Variants in ULK4 observed in about 807,000 individuals in gnomAD.
ULK4 encodes unc-51 like kinase 4, also known as inactive serine/threonine-protein kinase ULK4.
In ULK4, 133 loss-of-function variants were observed where a neutral mutation model predicts 160.6. The observed-to-expected ratio is 0.83, with a 90% CI of 0.72 to 0.96. ULK4 has a LOEUF of 0.96. Ranked by LOEUF, ULK4 falls within the 40% of genes least tolerant of loss-of-function variation. The pLI is 0.00. For synonymous variants in ULK4, 534 were observed against 539.8 expected, an observed-to-expected ratio of 0.99 and a Z score of 0.15; for missense variants, 1,580 against 1,499.5, an observed-to-expected ratio of 1.05 and a Z score of -0.89.
chr3:41,466,993 A>T (rs889712528), intron 32 of ULK4, among the ~76,000 whole-genome samples: 1 of 152,218 alleles, frequency 6.6e-6, no homozygotes, highest in Non-Finnish European at 1.5e-5. Context: ...TTAAAATCAC[A>T]ATGGGATATC....
chr3:41,853,359 C>A (rs1378012667), intron 17 of ULK4, among the ~76,000 whole-genome samples: 3 of 152,098 alleles, frequency 2.0e-5, no homozygotes, highest in Non-Finnish European at 2.9e-5. Context: ...CTTCCATCCA[C>A]CCCCAGAGAT....
intron 35 of ULK4, among the ~76,000 whole-genome samples, chr3:41,394,140 A>T (rs1213090741): frequency 6.6e-6 from 1 of 152,154 alleles, no homozygotes; most frequent in South Asian, 2.1e-4. Flanking sequence ...CATTCTGAAG[A>T]TAACAACAAA....
In ULK4 at chr3:41,315,818, A is replaced by C. The variant is rs899764225; in HGVS notation, c.3679-66244T>G. On this transcript the variant is annotated intron_variant, in intron 35 of 36. Coordinates refer to ENST00000301831, the MANE Select transcript of ULK4 (RefSeq NM_017886.4). ...ATATCATTAGCCATCAGGACAATGC[A>C]CATCAAAACCACAATGAGATGCCAC... is the stretch of plus-strand genomic sequence containing the variant. Among the ~76,000 whole-genome samples, 21 of 152,336 alleles carry C rather than the reference A, an allele frequency of 1.4e-4. 1 individual carries two copies. Among genetic ancestry groups the C allele is most frequent in the Admixed American group, 1.4e-3 (21 of 15,310 alleles).
intron 25 of ULK4, among the ~76,000 whole-genome samples, chr3:41,713,011 T>C (rs989026689): frequency 6.6e-6 from 1 of 151,898 alleles, no homozygotes; most frequent in African/African-American, 2.4e-5. Context: ...CTCCGGACAA[T>C]TTCACATAAT....
chr3:41,468,530 G>A (rs183324598), intron 32 of ULK4, among the ~76,000 whole-genome samples: 70 of 152,198 alleles, frequency 4.6e-4, no homozygotes, highest in South Asian at 1.9e-3. Context: ...TTAGGTTTCC[G>A]CACGTTCCAC....
intron 1 of ULK4, among the ~76,000 whole-genome samples, chr3:41,956,340 G>T (rs1047287685): frequency 1.3e-5 from 2 of 152,162 alleles, no homozygotes; most frequent in Admixed American, 6.5e-5. Flanking sequence ...TATTTGGACC[G>T]GGTATCTGTA....
At chr3:41,672,048 C>T (rs1402020989) in intron 29 of ULK4, among the ~76,000 whole-genome samples, 1 of 151,944 alleles carries the variant, frequency 6.6e-6, no homozygotes, top group Non-Finnish European at 1.5e-5. Flanking sequence ...ATTAAAATGG[C>T]TATTATGAAA....
intron 30 of ULK4, among the ~76,000 whole-genome samples, chr3:41,642,036 T>C (rs1438375475): frequency 1.3e-5 from 2 of 151,986 alleles, no homozygotes; most frequent in Non-Finnish European, 2.9e-5. Context: ...CAACCACGTC[T>C]AGCTAATTTT....
At chr3:41,668,168 C>T (rs1304290855) in intron 29 of ULK4, among the ~76,000 whole-genome samples, 2 of 152,246 alleles carry the variant, frequency 1.3e-5, no homozygotes, top group Non-Finnish European at 1.5e-5. Flanking sequence ...AAATTTTCAT[C>T]TCAACAGAGT....
In ULK4 at chr3:41,870,339, T is replaced by C. The variant is rs1274482416; in HGVS notation, c.1656+13535A>G. On this transcript the variant is annotated intron_variant, in intron 17 of 36. Transcript: ENST00000301831. ...TTCTGAGAGTCAAATCATGTGACTG[T>C]TAGATAATTTTATGTAATATTATTC... Among the ~76,000 whole-genome samples, 2 of 152,354 alleles carry C rather than the reference T, an allele frequency of 1.3e-5. 1 individual carries two copies. The highest frequency in any genetic ancestry group is 4.1e-4 in the South Asian group (2 of 4,828).
rs1700203081 is a variant in ULK4, at chr3:41,949,120, A to C, written c.138+5502T>G. 3.3e-5 allele frequency among the ~76,000 whole-genome samples: 5 copies of C among 152,062 alleles called. No individual in the cohort carries two copies. The South Asian group carries it at 1.0e-3, about 32-fold the overall frequency. On this transcript the variant is annotated intron_variant, in intron 2 of 36. Coordinates refer to ENST00000301831, the MANE Select transcript of ULK4 (RefSeq NM_017886.4). ...TCAGGAGTTCGAGACCAGCCTGGCC[A>C]ACATGGTGAAACCCCGTCTCTACTA...
chr3:41,632,921 G>C (rs979232991), intron 30 of ULK4, among the ~76,000 whole-genome samples: 46 of 152,112 alleles, frequency 3.0e-4, no homozygotes, highest in African/African-American at 9.9e-4. Context: ...CAAAGGAGCA[G>C]GTTTCTGACA....
intron 32 of ULK4, among the ~76,000 whole-genome samples, chr3:41,532,924 A>AGATTCTCTCC (rs1337235149): frequency 3.9e-5 from 6 of 152,226 alleles, no homozygotes; most frequent in Non-Finnish European, 5.9e-5. Context: ...CCACCCCTTG[A>AGATTCTCTCC]ACCAATATGG....
At chr3:41,354,955 G>A (rs2080998916) in intron 35 of ULK4, among the ~76,000 whole-genome samples, 1 of 152,104 alleles carries the variant, frequency 6.6e-6, no homozygotes, top group Non-Finnish European at 1.5e-5. Flanking sequence ...TCCCTTCTCT[G>A]AATATGTGCC....
rs866592379 is a variant in ULK4 at position 41,919,579 on chromosome 3, G to A, written c.643+138C>T. 117 of 670,532 alleles carry A rather than the reference G, an allele frequency of 1.7e-4. 1 individual carries two copies. The Middle Eastern group carries it at 3.2e-3, about 18-fold the overall frequency. The allele number at this position is 670,532 out of a possible 1,614,324, so 41.5% of individuals were successfully genotyped here. A position where few individuals can be genotyped will look rare whatever the true frequency, so the allele number is the denominator to read the frequency against. On this transcript the variant is annotated intron_variant, in intron 6 of 36. Transcript: ENST00000301831. The stretch of plus-strand genomic sequence containing the variant: ...ATCGTGCCACTGCACTCCAGACTGG[G>A]TGACAGTACGAGACTCTGTCTCAAA...
chr3:41,894,430 C>G (rs1698082758), intron 16 of ULK4, among the ~76,000 whole-genome samples: 1 of 152,056 alleles, frequency 6.6e-6, no homozygotes, highest in Admixed American at 6.5e-5. Context: ...CATATTTCAC[C>G]AACATAGAAG....
At position 41,911,617 on chromosome 3, in the gene ULK4, C is replaced by T; in HGVS notation, c.939G>A (p.Glu313=). 6.2e-7 allele frequency: 1 copy of T among 1,613,992 alleles called. No individual in the cohort carries two copies. ...MECSGPQDSK[E]LLQNSQSRQA... is the part of the protein sequence containing the mutation. ...GTCTACTCTGAGAGTTCTGCAAAAGCTCCTTGGAATCTTGTGGCCCAGAAC... is the reference window on the plus strand; with the variant it reads ...GTCTACTCTGAGAGTTCTGCAAAAGTTCCTTGGAATCTTGTGGCCCAGAAC... Residue 313 remains glutamate, a synonymous_variant, in exon 10 of 37, where the codon GAG becomes GAA. Coordinates refer to ENST00000301831, the MANE Select transcript of ULK4 (RefSeq NM_017886.4).
chr3:41,847,046 T>C (rs2042086100), intron 17 of ULK4, among the ~76,000 whole-genome samples: 1 of 152,150 alleles, frequency 6.6e-6, no homozygotes, highest in African/African-American at 2.4e-5. Context: ...ATACTGCAAA[T>C]AGTAATTTAA....
chr3:41,645,421 T>C (rs1381711066), intron 30 of ULK4, among the ~76,000 whole-genome samples: 2 of 152,194 alleles, frequency 1.3e-5, no homozygotes, highest in Admixed American at 6.5e-5. Flanking sequence ...TCAAAGAACA[T>C]CTTTATTTCT....
Sources: allele counts gnomAD v4.1 joint callset (sites outside exome capture counted in the v4.1 genomes callset), GRCh38; gene constraint gnomAD v4.1.1; transcripts MANE v1.5; gene names NCBI Gene and HGNC (gene_info 2026-07-23, HGNC 2026-07-21).